TACR3: variants seen among roughly 807,000 people sequenced by gnomAD.
TACR3 encodes the protein tachykinin receptor 3.
A neutral mutation model predicts 35.0 loss-of-function variants in TACR3; 34 were observed. The ratio of observed to expected loss-of-function variants is 0.97; its 90% CI spans 0.74 to 1.30. The LOEUF (loss-of-function observed/expected upper bound fraction) is 1.30, where lower values mean the gene tolerates loss of function less well. Ranked by LOEUF, TACR3 falls within the 50% of genes most tolerant of loss-of-function variation. The probability of loss-of-function intolerance (pLI) is 0.00; values close to 1 mark genes in which losing one functional copy is unlikely to be tolerated. For missense variants in TACR3, 558 were observed against 591.7 expected, an observed-to-expected ratio of 0.94 and a Z score of 0.59; for synonymous variants, 233 against 221.1, an observed-to-expected ratio of 1.05 and a Z score of -0.48.
At chr4:103,596,993 G>A (rs1356052579) in intron 3 of TACR3, among the ~76,000 whole-genome samples, 1 of 151,592 alleles carries the variant, frequency 6.6e-6, no homozygotes, top group Non-Finnish European at 1.5e-5. Context: ...TCTTAATCCA[G>A]TCTATCATTG....
At chr4:103,628,384 TTGA>T (rs377650831) in intron 3 of TACR3, among the ~76,000 whole-genome samples, 16,841 of 151,690 alleles carry the variant, frequency 0.11, 947 homozygotes, top group African/African-American at 0.13. Context: ...ATCAACAAAA[TTGA>T]TGATAGACTG....
At chr4:103,629,322 T>C (rs1342803995) in intron 3 of TACR3, among the ~76,000 whole-genome samples, 1 of 152,104 alleles carries the variant, frequency 6.6e-6, no homozygotes, top group Non-Finnish European at 1.5e-5. Context: ...ATAAAGGGTA[T>C]TCAATTAGGA....
At chr4:103,698,665 G>A (rs1264904984) in intron 1 of TACR3, among the ~76,000 whole-genome samples, 1 of 151,952 alleles carries the variant, frequency 6.6e-6, no homozygotes, top group Non-Finnish European at 1.5e-5. Context: ...ACTCATAAGT[G>A]AGAACTAAAA....
At chr4:103,658,562 G>T (rs1450722240) in intron 1 of TACR3, among the ~76,000 whole-genome samples, 159 bp from the exon 2 acceptor site, 1 of 152,154 alleles carries the variant, frequency 6.6e-6, no homozygotes. Flanking sequence ...GCGTAGAATG[G>T]TAATCATGGC....
intron 3 of TACR3, among the ~76,000 whole-genome samples, chr4:103,614,092 A>G (rs1458470055): frequency 2.6e-5 from 4 of 152,182 alleles, no homozygotes; most frequent in Non-Finnish European, 5.9e-5. Context: ...GTGATGTACA[A>G]TTTAGTCCTT....
In TACR3 at chr4:103,589,074, T is replaced by G. The variant is rs561375418; in HGVS notation, c.*608A>C. On this transcript the variant is annotated 3_prime_UTR_variant, in exon 5 of 5. Coordinates refer to ENST00000304883, the MANE Select transcript of TACR3 (RefSeq NM_001059.3). ...CATTTGCCTAATGATTTAACTAGAT[T>G]TCCTTTTCAGTTAAATGCCATGGAA... 3 of 152,336 alleles carry G rather than the reference T, an allele frequency of 2.0e-5. No homozygotes were observed. In the South Asian group the frequency reaches 6.2e-4, roughly 32 times the overall value. 9.4% of individuals were successfully genotyped at this position (152,336 alleles called of 1,614,324 possible). A position where few individuals can be genotyped will look rare whatever the true frequency, so the allele number is the denominator to read the frequency against.
chr4:103,706,091 G>A (rs957032066), intron 1 of TACR3, among the ~76,000 whole-genome samples: 1 of 152,054 alleles, frequency 6.6e-6, no homozygotes, highest in Non-Finnish European at 1.5e-5. Context: ...TGGGAGTAAA[G>A]GCAGAAAAAA....
intron 3 of TACR3, among the ~76,000 whole-genome samples, chr4:103,644,913 G>A (rs975685618): frequency 4.0e-5 from 6 of 151,692 alleles, no homozygotes; most frequent in South Asian, 2.1e-4. Flanking sequence ...ATGAGAGAGG[G>A]ACACAAAAAT....
At chr4:103,693,710 C>T (rs1227281763) in intron 1 of TACR3, among the ~76,000 whole-genome samples, 13 of 151,972 alleles carry the variant, frequency 8.6e-5, no homozygotes, top group Admixed American at 8.5e-4. Flanking sequence ...TTTGCTTTAT[C>T]ATCTAATTAT....
At position 103,717,388 on chromosome 4, in the gene TACR3, A is replaced by G. The variant is rs546998164; in HGVS notation, c.548+1740T>C. Among the ~76,000 whole-genome samples, 37 of 152,304 alleles carry G rather than the reference A, an allele frequency of 2.4e-4. No homozygotes were observed. In the South Asian group the frequency reaches 7.7e-3, roughly 32 times the overall value. ...AATGATTAATGCTTTACACAAAGAA[A>G]TAGTAAAGATTAATAGTAAAGTATT... On this transcript the variant is annotated intron_variant, in intron 1 of 4. Transcript: ENST00000304883.
intron 3 of TACR3, among the ~76,000 whole-genome samples, chr4:103,653,991 A>T (rs969935131): frequency 1.3e-5 from 2 of 149,180 alleles, no homozygotes; most frequent in African/African-American, 5.1e-5. Flanking sequence ...TCAAAACCAC[A>T]ATGAGATACC....
In TACR3 at chr4:103,591,566, G is replaced by C; in HGVS notation, c.1006C>G (p.Gln336Glu). 6.2e-7 allele frequency: 1 copy of C among 1,613,902 alleles called. No individual in the cohort carries two copies. Among genetic ancestry groups the C allele is most frequent in the Non-Finnish European group, 8.5e-7 (1 of 1,179,856 alleles). The change falls in exon 4 of 5, where the codon CAG (glutamine) becomes GAG (glutamate). Residue 336 changes from glutamine to glutamate, a missense_variant. Transcript: ENST00000304883. Reference protein sequence around the residue: ...QQLNRWKYIQQVYLASFWLAM... With the variant: ...QQLNRWKYIQEVYLASFWLAM... Reference sequence around the variant, plus strand: ...AGCCAAAAGCTAGCCAGGTAGACCTGCTGGATGTATTTCCATCTATTTAGT... The same window carrying C: ...AGCCAAAAGCTAGCCAGGTAGACCTCCTGGATGTATTTCCATCTATTTAGT...
chr4:103,717,490 T>A (rs2110234936), intron 1 of TACR3, among the ~76,000 whole-genome samples: 1 of 152,220 alleles, frequency 6.6e-6, no homozygotes, highest in Middle Eastern at 3.4e-3. Flanking sequence ...ATCCCATAAA[T>A]GTTGGCAGGA....
chr4:103,607,139 G>A (rs1724393404), intron 3 of TACR3, among the ~76,000 whole-genome samples: 1 of 152,126 alleles, frequency 6.6e-6, no homozygotes, highest in Non-Finnish European at 1.5e-5. Context: ...AAAACCACAT[G>A]ATTATCTCAA....
At chr4:103,660,993 A>C (rs955526466) in intron 1 of TACR3, among the ~76,000 whole-genome samples, 1 of 152,086 alleles carries the variant, frequency 6.6e-6, no homozygotes, top group Non-Finnish European at 1.5e-5. Flanking sequence ...ACTGAGGCTT[A>C]AAAGATTATG....
chr4:103,632,548 G>A (rs759778487), intron 3 of TACR3, among the ~76,000 whole-genome samples: 1 of 151,862 alleles, frequency 6.6e-6, no homozygotes, highest in Non-Finnish European at 1.5e-5. Context: ...GTGGGTGGGG[G>A]GTGAGGGGAG....
intron 1 of TACR3, among the ~76,000 whole-genome samples, chr4:103,700,019 C>T (rs1722609100): frequency 6.6e-6 from 1 of 152,136 alleles, no homozygotes; most frequent in Admixed American, 6.5e-5. Flanking sequence ...CATACCTATA[C>T]AACATCTAGT....
chr4:103,718,984 T>C, intron 1 of TACR3, 144 bp downstream of exon 1: 1 of 1,125,548 alleles, frequency 8.9e-7, no homozygotes, highest in Non-Finnish European at 1.3e-6. Flanking sequence ...ACAAATGGGT[T>C]AGTGTCCTCC....
intron 3 of TACR3, among the ~76,000 whole-genome samples, chr4:103,596,022 T>C (rs1456453885): frequency 1.3e-5 from 2 of 151,116 alleles, no homozygotes; most frequent in Admixed American, 1.3e-4. Flanking sequence ...GTTCTTGTGA[T>C]AGTTTACTGA....
Sources: allele counts gnomAD v4.1 joint callset (sites outside exome capture counted in the v4.1 genomes callset), GRCh38; gene constraint gnomAD v4.1.1; transcripts MANE v1.5; gene names NCBI Gene and HGNC (gene_info 2026-07-23, HGNC 2026-07-21).